Variants in CNOT2 observed in about 807,000 individuals in gnomAD.
CNOT2 encodes CC chemokine receptor 4-negative regulator of transcription 2.
A neutral mutation model predicts 72.1 loss-of-function variants in CNOT2; 7 were observed. The ratio of observed to expected loss-of-function variants is 0.10; its 90% CI spans 0.06 to 0.18. The LOEUF is 0.18. Ranked by LOEUF, CNOT2 falls within the 10% of genes least tolerant of loss-of-function variation. The pLI is 1.00. For synonymous variants in CNOT2, 196 were observed against 225.6 expected, an observed-to-expected ratio of 0.87 and a Z score of 1.17; for missense variants, 345 against 660.3, an observed-to-expected ratio of 0.52 and a Z score of 5.23.
chr12:70,257,881 A>G (rs2870881), intron 1 of CNOT2, among the ~76,000 whole-genome samples: 21,907 of 152,176 alleles, frequency 0.14, 1,910 homozygotes, highest in Admixed American at 0.28. Flanking sequence ...TTTAATATTC[A>G]GTTGCTTTTT....
intron 4 of CNOT2, chr12:70,323,981 A>T (rs1878693755): frequency 6.6e-6 from 1 of 151,836 alleles, no homozygotes; most frequent in East Asian, 1.9e-4. Context: ...TTAAGTATTT[A>T]TGTGAATTAA....
intron 4 of CNOT2, among the ~76,000 whole-genome samples, chr12:70,328,831 T>TA (rs1306733126): frequency 6.6e-6 from 1 of 151,848 alleles, no homozygotes; most frequent in African/African-American, 2.4e-5. Flanking sequence ...TTTTAAAATT[T>TA]TGTCTTTTAT....
At chr12:70,272,160 T>C (rs1220523627) in intron 1 of CNOT2, among the ~76,000 whole-genome samples, 7 of 152,230 alleles carry the variant, frequency 4.6e-5, no homozygotes, top group Admixed American at 2.6e-4. Flanking sequence ...ATTTAGTATA[T>C]TTCTTGTGCT....
chr12:70,252,504 T>C (rs1441495181), intron 1 of CNOT2, among the ~76,000 whole-genome samples: 5 of 152,196 alleles, frequency 3.3e-5, no homozygotes, highest in Non-Finnish European at 2.9e-5. Context: ...TATATACTAT[T>C]TTATCATAAC....
intron 1 of CNOT2, among the ~76,000 whole-genome samples, chr12:70,254,533 A>T (rs1958325574): frequency 6.6e-6 from 1 of 152,304 alleles, no homozygotes; most frequent in South Asian, 2.1e-4. Flanking sequence ...GCGGTTCACC[A>T]TGAATAACTG....
intron 1 of CNOT2, among the ~76,000 whole-genome samples, 164 bp from the exon 2 acceptor site, chr12:70,277,968 A>G (rs539446364): frequency 6.6e-6 from 1 of 152,342 alleles, no homozygotes; most frequent in Non-Finnish European, 1.5e-5. Context: ...TGTTGCAAAT[A>G]AAGTATGCCA....
Position 70,310,898 on chromosome 12 carries a change from A to G in CNOT2, c.52A>G (p.Thr18Ala). The G allele has an allele frequency of 6.2e-7, 1 of 1,611,190 alleles. No individual in the cohort carries two copies. Among genetic ancestry groups the G allele is most frequent in the Non-Finnish European group, 8.5e-7 (1 of 1,178,182 alleles). The change falls in exon 3 of 16, where the codon ACA becomes GCA. Residue 18 changes from threonine (T) to alanine (A), a missense_variant. Around this residue, in one of 4 missense-constraint regions of CNOT2, gnomAD observed 157 missense variants for 235.3 expected, o/e 0.67. Transcript: ENST00000229195. ...TLSEKRNYQV[T>A]NSMFGASRKK... The stretch of plus-strand genomic sequence containing the variant: ...TAAAAGTAATATTTTTGTTTAGGTG[A>G]CAAACAGCATGTTTGGTGCTTCAAG...
intron 2 of CNOT2, among the ~76,000 whole-genome samples, chr12:70,279,718 G>A (rs978915251): frequency 6.6e-6 from 1 of 152,174 alleles, no homozygotes; most frequent in African/African-American, 2.4e-5. Flanking sequence ...TGTAAAGTGT[G>A]AATGTAGAAT....
At chr12:70,296,341 AT>A (rs1291775767) in intron 2 of CNOT2, among the ~76,000 whole-genome samples, 1 of 152,150 alleles carries the variant, frequency 6.6e-6, no homozygotes, top group African/African-American at 2.4e-5. Flanking sequence ...ACTAAAGCCT[AT>A]TTCCAACCAG....
intron 9 of CNOT2, 84 bp from the exon 10 acceptor site, chr12:70,338,359 A>T: frequency 8.8e-7 from 1 of 1,137,024 alleles, no homozygotes; most frequent in Non-Finnish European, 1.2e-6. Context: ...TGTAATAAAG[A>T]ATAAATAGCA....
chr12:70,273,474 T>A (rs1378969887), intron 1 of CNOT2, among the ~76,000 whole-genome samples: 1 of 152,016 alleles, frequency 6.6e-6, no homozygotes, highest in Admixed American at 6.6e-5. Flanking sequence ...TGCAGATATA[T>A]TATTTTCATT....
At chr12:70,330,635 T>C in intron 6 of CNOT2, 166 bp downstream of exon 6, 1 of 447,280 alleles carries the variant, frequency 2.2e-6, no homozygotes, top group Non-Finnish European at 3.9e-6. Context: ...CGATACGTTT[T>C]CTTGAAAATC....
chr12:70,342,430 A>T, intron 13 of CNOT2, 123 bp downstream of exon 13: 1 of 1,125,650 alleles, frequency 8.9e-7, no homozygotes, highest in Non-Finnish European at 1.3e-6. Flanking sequence ...ATGCTTTCAT[A>T]TGTCCATGTT....
chr12:70,343,616 A>G (rs939020916), intron 13 of CNOT2, among the ~76,000 whole-genome samples: 14 of 152,246 alleles, frequency 9.2e-5, no homozygotes, highest in African/African-American at 3.1e-4. Flanking sequence ...AGCCGTCTAT[A>G]TATTTGGCAC....
In CNOT2 at chr12:70,317,611, A is replaced by ATT. The variant is rs529433652; in HGVS notation, c.172-1663_172-1662dup. On this transcript the variant is annotated intron_variant, in intron 3 of 15. Coordinates refer to ENST00000229195, the MANE Select transcript of CNOT2 (RefSeq NM_014515.7). ...TGGGAGGGAATATTTATAAGGTTTG[A>ATT]TTTTTTTTTTTTTTTTTTTTTTTTT... 6.7e-3 allele frequency among the ~76,000 whole-genome samples: 711 copies of ATT among 105,390 alleles called. 7 individuals are homozygous for ATT. The highest frequency in any genetic ancestry group is 0.02 in the African/African-American group (546 of 26,798). 69.1% of individuals were successfully genotyped at this position (105,390 alleles called of 152,430 possible).
chr12:70,338,567 G>T lies in CNOT2; in HGVS notation c.1021+4G>T, dbSNP rs1881013528. ...GGGATCCAGGTGTTACCTGATGGTGGGACTCTAGAAATCTATGTCAAAGAT... is the reference window on the plus strand; with the variant it reads ...GGGATCCAGGTGTTACCTGATGGTGTGACTCTAGAAATCTATGTCAAAGAT... On this transcript the variant is annotated splice_donor_region_variant and intron_variant, in intron 10 of 15. Transcript: ENST00000229195. 6.2e-7 allele frequency: 1 copy of T among 1,606,300 alleles called. No homozygotes were observed. The highest frequency in any genetic ancestry group is 8.5e-7 in the Non-Finnish European group (1 of 1,177,854).
intron 3 of CNOT2, among the ~76,000 whole-genome samples, chr12:70,316,422 A>G (rs964932748): frequency 1.3e-5 from 2 of 152,118 alleles, no homozygotes; most frequent in African/African-American, 4.8e-5. Context: ...TATTAAATCC[A>G]TTTTTAGCAC....
At chr12:70,292,905 T>C (rs900792175) in intron 2 of CNOT2, among the ~76,000 whole-genome samples, 1 of 152,234 alleles carries the variant, frequency 6.6e-6, no homozygotes, top group Non-Finnish European at 1.5e-5. Context: ...GCTAAAGGAA[T>C]ACTTTTCATT....
intron 11 of CNOT2, among the ~76,000 whole-genome samples, chr12:70,340,276 T>A (rs77376023): frequency 0.096 from 14,537 of 152,210 alleles, 897 homozygotes; most frequent in Middle Eastern, 0.19. Flanking sequence ...GTACTTGAAT[T>A]TGAGAGCACC....
Sources: allele counts gnomAD v4.1 joint callset (sites outside exome capture counted in the v4.1 genomes callset), GRCh38; gene constraint gnomAD v4.1.1; regional missense constraint gnomAD v4.1.1; transcripts MANE v1.5; gene names NCBI Gene and HGNC (gene_info 2026-07-23, HGNC 2026-07-21).